Variants in CDC14A observed in about 807,000 individuals in gnomAD.
CDC14A encodes dual specificity protein phosphatase CDC14A.
Under a neutral mutation model 74.4 loss-of-function variants are expected in CDC14A, and 53 were observed. The observed-to-expected ratio is 0.71, with a 90% CI of 0.57 to 0.89. The LOEUF is 0.89. CDC14A is among the 40% of genes least tolerant of loss of function. The pLI, the probability that CDC14A is intolerant of heterozygous loss-of-function variation, is 0.00. For synonymous variants in CDC14A, 247 were observed against 258.4 expected (o/e 0.96, Z 0.43); for missense variants, 646 against 713.7 (o/e 0.91, Z 1.08).
intron 15 of CDC14A, chr1:100,504,837 T>C (rs1649095265): frequency 6.5e-7 from 1 of 1,535,746 alleles, no homozygotes; most frequent in East Asian, 2.4e-5. Context: ...TGCTAGTCTT[T>C]AGGAAGCCCT....
chr1:100,516,127 G>C (rs1571372135), intron 15 of CDC14A, among the ~76,000 whole-genome samples: 1 of 152,168 alleles, frequency 6.6e-6, no homozygotes, highest in Non-Finnish European at 1.5e-5. Context: ...AAAGGCTTTG[G>C]ATAGAAGACT....
At chr1:100,468,445 GA>G (rs1003618844) in intron 10 of CDC14A, among the ~76,000 whole-genome samples, 22 of 146,518 alleles carry the variant, frequency 1.5e-4, no homozygotes, top group South Asian at 1.1e-3. Flanking sequence ...AGCATAATGA[GA>G]AAAAAAAAAC....
At chr1:100,447,121 A>G (rs142382331) in intron 7 of CDC14A, among the ~76,000 whole-genome samples, 41 of 152,328 alleles carry the variant, frequency 2.7e-4, no homozygotes, top group African/African-American at 8.9e-4. Flanking sequence ...GTACTGTCAT[A>G]GTCCATCAGT....
chr1:100,401,593 T>C (rs1659263293), intron 4 of CDC14A, among the ~76,000 whole-genome samples: 1 of 152,226 alleles, frequency 6.6e-6, no homozygotes, highest in Non-Finnish European at 1.5e-5. Flanking sequence ...AAATTAATAT[T>C]GTGGATAATA....
chr1:100,384,941 A>G (rs1482715580), intron 3 of CDC14A, among the ~76,000 whole-genome samples: 9 of 152,190 alleles, frequency 5.9e-5, no homozygotes, highest in Admixed American at 5.9e-4. Context: ...CTGAATTTGG[A>G]ACTTCTGGAA....
intron 7 of CDC14A, among the ~76,000 whole-genome samples, chr1:100,448,454 C>A (rs150206057): frequency 5.3e-5 from 8 of 152,262 alleles, no homozygotes; most frequent in Non-Finnish European, 1.2e-4. Context: ...GGCCTGCAGG[C>A]CTGATGACAG....
At chr1:100,476,281 C>T (rs535408260) in intron 10 of CDC14A, among the ~76,000 whole-genome samples, 84 of 152,176 alleles carry the variant, frequency 5.5e-4, no homozygotes, top group South Asian at 2.5e-3. Context: ...GGTGAAACCC[C>T]GTCTCTACTA....
At position 100,440,260 on chromosome 1, in the gene CDC14A, C is replaced by T. The variant is rs547902008; in HGVS notation, c.456+262C>T. On this transcript the variant is annotated intron_variant, in intron 6 of 15. Coordinates refer to ENST00000336454, the MANE Select transcript of CDC14A (RefSeq NM_003672.4). ...TTATCACCACTATCAGCTGCAGTGC[C>T]TGTGACATTGCTTTGTCACATGCTT... Among the ~76,000 whole-genome samples, 349 of 152,300 alleles carry T rather than the reference C, an allele frequency of 2.3e-3. 3 individuals carry two copies. Among genetic ancestry groups the T allele is most frequent in the African/African-American group, 7.7e-3 (321 of 41,570 alleles).
chr1:100,469,579 A>T (rs1265014116), intron 10 of CDC14A, among the ~76,000 whole-genome samples: 1 of 152,126 alleles, frequency 6.6e-6, no homozygotes, highest in Non-Finnish European at 1.5e-5. Flanking sequence ...CTAATTGCTG[A>T]AGTTGAAGAA....
At chr1:100,453,720 A>G (rs949161345) in intron 7 of CDC14A, among the ~76,000 whole-genome samples, 7 of 152,204 alleles carry the variant, frequency 4.6e-5, no homozygotes, top group Non-Finnish European at 8.8e-5. Context: ...GCTCACTGCA[A>G]CCTTCATCGC....
intron 4 of CDC14A, among the ~76,000 whole-genome samples, chr1:100,412,349 G>C (rs1660825089): frequency 6.6e-6 from 1 of 151,982 alleles, no homozygotes; most frequent in African/African-American, 2.4e-5. Flanking sequence ...TGATATACAA[G>C]GGATATGCCA....
At chr1:100,435,158 G>T (rs1571184468) in intron 5 of CDC14A, among the ~76,000 whole-genome samples, 1 of 152,190 alleles carries the variant, frequency 6.6e-6, no homozygotes, top group East Asian at 1.9e-4. Context: ...TTTTGGTCTA[G>T]AGTTGAACCT....
chr1:100,350,757 A>T (rs759950817), upstream of CDC14A, among the ~76,000 whole-genome samples: 2 of 152,244 alleles, frequency 1.3e-5, no homozygotes, highest in Non-Finnish European at 2.9e-5. Flanking sequence ...TTATGCAAGA[A>T]TTTTAAATCA....
In CDC14A at chr1:100,412,726, T is replaced by TATATATAAA. The variant is rs1557732319; in HGVS notation, c.310-11489_310-11488insAAATATATA. 1.1e-3 allele frequency among the ~76,000 whole-genome samples: 92 copies of TATATATAAA among 80,214 alleles called. 4 individuals are homozygous for TATATATAAA. Among genetic ancestry groups the TATATATAAA allele is most frequent in the African/African-American group, 8.1e-3 (88 of 10,864 alleles). The allele number at this position is 80,214 out of a possible 152,430, so 52.6% of individuals were successfully genotyped here. Reference sequence around the variant, plus strand: ...TATATATATATATATATATATATTTTATATATATATATTTTATATATATAT... The same window carrying TATATATAAA: ...TATATATATATATATATATATATTTTATATATAAAATATATATATATTTTATATATATAT... On this transcript the variant is annotated intron_variant, in intron 4 of 15. Transcript: ENST00000336454.
At chr1:100,417,739 A>G (rs1019512100) in intron 4 of CDC14A, among the ~76,000 whole-genome samples, 2 of 152,164 alleles carry the variant, frequency 1.3e-5, no homozygotes, top group Admixed American at 6.5e-5. Context: ...GGGCATTCCC[A>G]CTATAGTTGT....
intron 9 of CDC14A, 51 bp downstream of exon 9, chr1:100,462,932 C>A: frequency 7.5e-7 from 1 of 1,339,226 alleles, no homozygotes; most frequent in Non-Finnish European, 1.1e-6. Context: ...AGGGGCGGGC[C>A]AAGGAAGAGC....
At chr1:100,356,842 A>G (rs1480352993) in intron 2 of CDC14A, among the ~76,000 whole-genome samples, 1 of 146,250 alleles carries the variant, frequency 6.8e-6, no homozygotes, top group Non-Finnish European at 1.5e-5. Flanking sequence ...CCTGGGCTAC[A>G]GAGCAAGACT....
At chr1:100,447,831 T>G (rs971475442) in intron 7 of CDC14A, among the ~76,000 whole-genome samples, 4 of 152,198 alleles carry the variant, frequency 2.6e-5, no homozygotes, top group Non-Finnish European at 5.9e-5. Flanking sequence ...TCTGTTTTTT[T>G]GGGGGGTAGC....
chr1:100,500,743 CAAAAAAAAAAAAAA>C (rs67947647), intron 15 of CDC14A, among the ~76,000 whole-genome samples: 4 of 53,824 alleles, frequency 7.4e-5, no homozygotes, highest in African/African-American at 3.0e-4. Flanking sequence ...GAGCCACTCT[CAAAAAAAAAAAAAA>C]AAAAAAAAAA....
Sources: gnomAD v4.1 joint callset for allele counts (sites outside exome capture counted in the v4.1 genomes callset) on GRCh38, gnomAD v4.1.1 for gene constraint, MANE v1.5 for transcripts, NCBI Gene and HGNC (gene_info 2026-07-23, HGNC 2026-07-21) for gene names.